SH3RF3: variants seen among roughly 807,000 people sequenced by gnomAD.
SH3RF3 encodes the protein SH3 domain containing ring finger 3, also known as E3 ubiquitin-protein ligase SH3RF3.
In SH3RF3, 29 loss-of-function variants were observed where a neutral mutation model predicts 66.3. The ratio of observed to expected loss-of-function variants is 0.44; its 90% confidence interval spans 0.33 to 0.60. SH3RF3 has a LOEUF of 0.60. Among genes scored for constraint, SH3RF3 ranks in the 20% least tolerant of loss-of-function variants. The pLI is 0.04. For synonymous variants in SH3RF3, 583 were observed against 532.0 expected, an observed-to-expected ratio of 1.10 and a Z score of -1.32; for missense variants, 1,194 against 1,190.9, an observed-to-expected ratio of 1.00 and a Z score of -0.04.
intron 1 of SH3RF3, among the ~76,000 whole-genome samples, chr2:109,314,525 C>T (rs944144171): frequency 2.4e-4 from 36 of 152,174 alleles, no homozygotes; most frequent in African/African-American, 8.4e-4. Context: ...AATTTCTCTA[C>T]CATATGAATA....
At chr2:109,304,881 G>A (rs990800562) in intron 1 of SH3RF3, among the ~76,000 whole-genome samples, 6 of 152,140 alleles carry the variant, frequency 3.9e-5, no homozygotes, top group Non-Finnish European at 8.8e-5. Flanking sequence ...TAGAAGACAT[G>A]GGGTGACGCT....
At chr2:109,315,631 G>C (rs1034201156) in intron 1 of SH3RF3, among the ~76,000 whole-genome samples, 1 of 152,268 alleles carries the variant, frequency 6.6e-6, no homozygotes, top group African/African-American at 2.4e-5. Flanking sequence ...TGTGTGTCCA[G>C]AGAAGAGACG....
intron 8 of SH3RF3, among the ~76,000 whole-genome samples, chr2:109,469,294 A>T (rs917412760): frequency 2.0e-5 from 3 of 152,214 alleles, no homozygotes; most frequent in Non-Finnish European, 4.4e-5. Context: ...ACACCACCTC[A>T]CTGTGTCCTC....
chr2:109,210,134 T>TCTCCTTC (rs1330307872), intron 1 of SH3RF3, among the ~76,000 whole-genome samples: 6 of 152,136 alleles, frequency 3.9e-5, no homozygotes. Context: ...TGCGTCACAA[T>TCTCCTTC]CTCCTTCCTC....
chr2:109,136,148 G>A (rs1676809826), intron 1 of SH3RF3, among the ~76,000 whole-genome samples: 1 of 152,028 alleles, frequency 6.6e-6, no homozygotes, highest in Non-Finnish European at 1.5e-5. Context: ...TTTTGCAATT[G>A]TTTCTAGTGT....
chr2:109,409,704 G>T (rs933404447), intron 4 of SH3RF3, among the ~76,000 whole-genome samples: 3 of 152,080 alleles, frequency 2.0e-5, no homozygotes, highest in Non-Finnish European at 1.5e-5. Context: ...CCCCGAGAGG[G>T]AGATCGAGAG....
intron 1 of SH3RF3, among the ~76,000 whole-genome samples, chr2:109,275,893 G>A (rs770946315): frequency 3.3e-5 from 5 of 152,186 alleles, no homozygotes; most frequent in African/African-American, 4.8e-5. Context: ...TAGGTTTATG[G>A]AGAGGAAAAT....
chr2:109,320,879 C>T (rs564260911), intron 1 of SH3RF3, among the ~76,000 whole-genome samples: 44 of 152,300 alleles, frequency 2.9e-4, no homozygotes, highest in African/African-American at 9.4e-4. Flanking sequence ...CCCTGCCCTA[C>T]GATACTCATC....
intron 1 of SH3RF3, among the ~76,000 whole-genome samples, chr2:109,181,559 A>G (rs1399863563): frequency 6.6e-6 from 1 of 151,940 alleles, no homozygotes; most frequent in Non-Finnish European, 1.5e-5. Context: ...TCCATGCCAC[A>G]CTCCTACTTT....
chr2:109,226,894 G>A (rs1356052982), intron 1 of SH3RF3, among the ~76,000 whole-genome samples: 1 of 152,204 alleles, frequency 6.6e-6, no homozygotes, highest in African/African-American at 2.4e-5. Context: ...GAGAAGCAAA[G>A]CCGTGTGGTG....
intron 2 of SH3RF3, among the ~76,000 whole-genome samples, chr2:109,362,308 G>T (rs1683064139): frequency 6.6e-6 from 1 of 152,116 alleles, no homozygotes; most frequent in African/African-American, 2.4e-5. Flanking sequence ...TCTCTTGAGA[G>T]TTTTTCTAAG....
chr2:109,493,610 C>T (rs1679186033), intron 9 of SH3RF3, among the ~76,000 whole-genome samples: 1 of 151,040 alleles, frequency 6.6e-6, no homozygotes, highest in African/African-American at 2.4e-5. Context: ...ACCACACACA[C>T]TGCAAACNCA....
chr2:109,417,859 T>C (rs72945394), intron 4 of SH3RF3, among the ~76,000 whole-genome samples: 4,831 of 152,246 alleles, frequency 0.032, 273 homozygotes, highest in African/African-American at 0.11. Flanking sequence ...GCCGGCGGCA[T>C]GCAGAGGTTA....
At chr2:109,186,278 A>T (rs1558946307) in intron 1 of SH3RF3, among the ~76,000 whole-genome samples, 1 of 152,364 alleles carries the variant, frequency 6.6e-6, no homozygotes, top group Middle Eastern at 3.4e-3. Flanking sequence ...AGATGAATTC[A>T]TGTAATCCTG....
At chr2:109,321,925 G>C (rs1304642849) in intron 1 of SH3RF3, among the ~76,000 whole-genome samples, 1 of 152,218 alleles carries the variant, frequency 6.6e-6, no homozygotes, top group East Asian at 1.9e-4. Context: ...CTGAAGGGGA[G>C]ATGGGGCCCT....
rs1172984723 is a variant in SH3RF3, at chr2:109,501,901, C to G, written c.*230C>G. On this transcript the variant is annotated 3_prime_UTR_variant, in exon 10 of 10. Transcript: ENST00000309415. The stretch of plus-strand genomic sequence containing the variant: ...ATGTTCTTCAAGGAAATGCCCACCC[C>G]CTCTGTGGAAACTGCAAAGAAAGCA... The G allele has an allele frequency of 2.6e-5, 13 of 504,666 alleles. No homozygotes were observed. The highest frequency in any genetic ancestry group is 1.8e-4 in the East Asian group (6 of 33,038). 31.3% of individuals were successfully genotyped at this position (504,666 alleles called of 1,614,324 possible).
intron 1 of SH3RF3, among the ~76,000 whole-genome samples, chr2:109,252,644 G>C (rs548942856): frequency 6.6e-6 from 1 of 152,180 alleles, no homozygotes; most frequent in African/African-American, 2.4e-5. Flanking sequence ...AGTTGAAAAC[G>C]CATGTAATAC....
At chr2:109,390,629 G>A (rs1375306991) in intron 3 of SH3RF3, among the ~76,000 whole-genome samples, 1 of 152,194 alleles carries the variant, frequency 6.6e-6, no homozygotes. Flanking sequence ...CTATGACAAA[G>A]GTGCAAGTGG....
chr2:109,296,034 G>C (rs1342365705), intron 1 of SH3RF3, among the ~76,000 whole-genome samples: 1 of 152,098 alleles, frequency 6.6e-6, no homozygotes, highest in Non-Finnish European at 1.5e-5. Context: ...CTCTGAAGGT[G>C]CTGTAATGAA....
Sources: gnomAD v4.1 joint callset for allele counts (sites outside exome capture counted in the v4.1 genomes callset) on GRCh38, gnomAD v4.1.1 for gene constraint, MANE v1.5 for transcripts, NCBI Gene and HGNC (gene_info 2026-07-23, HGNC 2026-07-21) for gene names.